Variants in PTPRD observed in about 807,000 individuals in gnomAD.
The protein encoded by PTPRD is receptor-type tyrosine-protein phosphatase delta.
In PTPRD, 34 loss-of-function variants were observed where a neutral mutation model predicts 214.5. That is an observed-to-expected ratio of 0.16 (90% CI 0.12 to 0.21). PTPRD has a LOEUF of 0.21. Ranked by LOEUF, PTPRD falls within the 10% of genes least tolerant of loss-of-function variation. The probability of loss-of-function intolerance (pLI) is 1.00; values close to 1 mark genes in which losing one functional copy is unlikely to be tolerated. For synonymous variants in PTPRD, 1,128 were observed against 845.7 expected, an observed-to-expected ratio of 1.33 and a Z score of -5.79; for missense variants, 2,545 against 2,398.7, an observed-to-expected ratio of 1.06 and a Z score of -1.27.
At chr9:10,181,876 A>G (rs2154307573) in intron 3 of PTPRD, among the ~76,000 whole-genome samples, 1 of 150,048 alleles carries the variant, frequency 6.7e-6, no homozygotes, top group Admixed American at 6.7e-5. Context: ...AAAATAGTAT[A>G]AGATACTATG....
At chr9:10,541,791 C>G (rs771301498) in intron 2 of PTPRD, among the ~76,000 whole-genome samples, 1 of 151,848 alleles carries the variant, frequency 6.6e-6, no homozygotes, top group Non-Finnish European at 1.5e-5. Flanking sequence ...TAATATGTAG[C>G]CTATTGCATG....
chr9:9,428,377 A>G (rs779485488), intron 8 of PTPRD, among the ~76,000 whole-genome samples: 22 of 152,208 alleles, frequency 1.4e-4, no homozygotes, highest in Non-Finnish European at 2.8e-4. Flanking sequence ...CTAAATATAT[A>G]TGCAGGAGCA....
chr9:9,739,763 G>C (rs1015722860), intron 6 of PTPRD, among the ~76,000 whole-genome samples: 1 of 151,174 alleles, frequency 6.6e-6, no homozygotes, highest in East Asian at 1.9e-4. Context: ...ATATGTGCTG[G>C]GTCCTTCCTA....
intron 4 of PTPRD, among the ~76,000 whole-genome samples, chr9:10,003,328 T>C (rs1454339148): frequency 1.3e-5 from 2 of 151,874 alleles, no homozygotes; most frequent in African/African-American, 4.8e-5. Context: ...ATTTCATAAA[T>C]AGATGATGCA....
intron 9 of PTPRD, among the ~76,000 whole-genome samples, chr9:9,247,696 G>T (rs939702518): frequency 6.6e-6 from 1 of 152,028 alleles, no homozygotes; most frequent in African/African-American, 2.4e-5. Context: ...CTCCAGCAGG[G>T]AGTCACCTCT....
intron 7 of PTPRD, among the ~76,000 whole-genome samples, chr9:9,688,131 A>G (rs1033547688): frequency 3.3e-5 from 5 of 151,806 alleles, no homozygotes; most frequent in Non-Finnish European, 5.9e-5. Flanking sequence ...TTCCTCAACC[A>G]TGTGGAATTG....
chr9:9,140,638 G>A (rs1291056396), intron 10 of PTPRD, among the ~76,000 whole-genome samples: 1 of 152,180 alleles, frequency 6.6e-6, no homozygotes, highest in East Asian at 1.9e-4. Context: ...GAGTGCAGAG[G>A]CGCGATCTCG....
intron 2 of PTPRD, among the ~76,000 whole-genome samples, chr9:10,555,127 A>G (rs2062224887): frequency 6.6e-6 from 1 of 152,202 alleles, no homozygotes; most frequent in South Asian, 2.1e-4. Flanking sequence ...ACAACACACA[A>G]AAAACCTTTA....
chr9:9,476,777 C>T (rs1164403669), intron 8 of PTPRD, among the ~76,000 whole-genome samples: 1 of 151,576 alleles, frequency 6.6e-6, no homozygotes, highest in African/African-American at 2.4e-5. Context: ...CTCTTGTTGC[C>T]CAGGCTGGAG....
At chr9:10,255,695 CT>C (rs1186532026) in intron 3 of PTPRD, among the ~76,000 whole-genome samples, 1 of 152,138 alleles carries the variant, frequency 6.6e-6, no homozygotes, top group Admixed American at 6.5e-5. Flanking sequence ...GTTTTTTAAA[CT>C]TTTTAGTTTT....
intron 9 of PTPRD, among the ~76,000 whole-genome samples, chr9:9,355,446 A>G (rs945410560): frequency 6.6e-6 from 1 of 151,658 alleles, no homozygotes; most frequent in South Asian, 2.1e-4. Context: ...CATTTTTTAT[A>G]TATTGGAATG....
At chr9:9,805,103 T>C (rs1445477160) in intron 5 of PTPRD, among the ~76,000 whole-genome samples, 1 of 152,076 alleles carries the variant, frequency 6.6e-6, no homozygotes, top group Non-Finnish European at 1.5e-5. Context: ...AATACCATAG[T>C]AGCTTGGATT....
At chr9:9,234,305 G>T (rs1349430885) in intron 9 of PTPRD, among the ~76,000 whole-genome samples, 1 of 152,176 alleles carries the variant, frequency 6.6e-6, no homozygotes, top group Admixed American at 6.5e-5. Context: ...TGAAGCAACT[G>T]GGGCACAGGG....
chr9:10,434,956 C>T (rs12347543), intron 2 of PTPRD, among the ~76,000 whole-genome samples: 1 of 151,796 alleles, frequency 6.6e-6, no homozygotes. Flanking sequence ...CTCTATGCTA[C>T]CCCGAGCGCT....
At chr9:10,296,343 C>T (rs1565112488) in intron 3 of PTPRD, among the ~76,000 whole-genome samples, 1 of 151,944 alleles carries the variant, frequency 6.6e-6, no homozygotes, top group Non-Finnish European at 1.5e-5. Context: ...TATCTGAGTT[C>T]CTTCTTCAGG....
intron 3 of PTPRD, among the ~76,000 whole-genome samples, chr9:10,320,248 T>C (rs1362266219): frequency 6.6e-6 from 1 of 152,106 alleles, no homozygotes; most frequent in African/African-American, 2.4e-5. Context: ...TGAGCAGTTC[T>C]GCACTTAATA....
At chr9:10,100,208 A>T (rs1338917666) in intron 3 of PTPRD, among the ~76,000 whole-genome samples, 1 of 151,722 alleles carries the variant, frequency 6.6e-6, no homozygotes, top group Non-Finnish European at 1.5e-5. Context: ...AAAAATGGTA[A>T]CAGCAACAAA....
chr9:8,516,207 T>C (rs2097778001), intron 21 of PTPRD, among the ~76,000 whole-genome samples: 1 of 152,196 alleles, frequency 6.6e-6, no homozygotes, highest in Admixed American at 6.5e-5. Flanking sequence ...TGTCTACATT[T>C]CCCAATGAGA....
At chr9:10,245,337 A>C (rs984458902) in intron 3 of PTPRD, among the ~76,000 whole-genome samples, 2 of 152,196 alleles carry the variant, frequency 1.3e-5, no homozygotes, top group Non-Finnish European at 2.9e-5. Flanking sequence ...GTGCGTAGGT[A>C]ATCTGATAAT....
Sources: allele counts gnomAD v4.1 joint callset (sites outside exome capture counted in the v4.1 genomes callset), GRCh38; gene constraint gnomAD v4.1.1; transcripts MANE v1.5; gene names NCBI Gene and HGNC (gene_info 2026-07-23, HGNC 2026-07-21).